APBA1: variants seen among roughly 807,000 people sequenced by gnomAD.
APBA1 encodes the protein amyloid beta precursor protein binding family A member 1, also known as amyloid-beta A4 precursor protein-binding family A member 1.
In APBA1, 55 loss-of-function variants were observed where a neutral mutation model predicts 86.6. The ratio of observed to expected loss-of-function variants is 0.64; its 90% CI spans 0.51 to 0.80. APBA1 has a LOEUF of 0.80. APBA1 is among the 30% of genes least tolerant of loss of function. The pLI is 0.00. For synonymous variants in APBA1, 511 were observed against 493.9 expected, an observed-to-expected ratio of 1.03 and a Z score of -0.46; for missense variants, 1,090 against 1,183.0, an observed-to-expected ratio of 0.92 and a Z score of 1.15.
intron 1 of APBA1, among the ~76,000 whole-genome samples, chr9:69,522,754 C>T (rs971770985): frequency 1.3e-5 from 2 of 152,154 alleles, no homozygotes; most frequent in African/African-American, 2.4e-5. Flanking sequence ...TAGTGAGCAT[C>T]CTAAGCAAGC....
intron 10 of APBA1, among the ~76,000 whole-genome samples, chr9:69,446,670 A>G (rs1455245011): frequency 6.6e-6 from 1 of 152,154 alleles, no homozygotes; most frequent in Non-Finnish European, 1.5e-5. Context: ...CACGCAGATA[A>G]GGAAGGAGCG....
chr9:69,591,020 G>A (rs1316148686), intron 1 of APBA1, among the ~76,000 whole-genome samples: 2 of 152,146 alleles, frequency 1.3e-5, no homozygotes, highest in African/African-American at 4.8e-5. Context: ...ACTCCAAGAG[G>A]TCCCCCGTAC....
intron 12 of APBA1, among the ~76,000 whole-genome samples, 177 bp downstream of exon 12, chr9:69,432,359 A>T (rs1420438083): frequency 6.6e-6 from 1 of 152,136 alleles, no homozygotes; most frequent in African/African-American, 2.4e-5. Flanking sequence ...CTCCCAGATA[A>T]CTGCTTGCTA....
chr9:69,652,867 C>T (rs1040400134), intron 1 of APBA1, among the ~76,000 whole-genome samples: 11 of 151,832 alleles, frequency 7.2e-5, no homozygotes, highest in African/African-American at 1.2e-4. Flanking sequence ...TGGTGGTATG[C>T]GCGCCTGTAG....
chr9:69,576,600 G>A (rs1258783250), intron 1 of APBA1, among the ~76,000 whole-genome samples: 11 of 151,966 alleles, frequency 7.2e-5, no homozygotes, highest in Admixed American at 3.9e-4. Flanking sequence ...GCAAACTATC[G>A]CAAGGACAAA....
chr9:69,599,314 A>T (rs1822301378), intron 1 of APBA1, among the ~76,000 whole-genome samples: 1 of 152,210 alleles, frequency 6.6e-6, no homozygotes, highest in African/African-American at 2.4e-5. Flanking sequence ...TGTTTTAGTC[A>T]TTGCCTTTAA....
chr9:69,504,069 C>T (rs1294818836), intron 2 of APBA1, among the ~76,000 whole-genome samples: 1 of 152,072 alleles, frequency 6.6e-6, no homozygotes, highest in East Asian at 1.9e-4. Flanking sequence ...GGCTGTAAGT[C>T]TCCCAGTTTC....
chr9:69,504,861 A>C (rs1184673245), intron 2 of APBA1, among the ~76,000 whole-genome samples: 3 of 151,930 alleles, frequency 2.0e-5, no homozygotes, highest in Non-Finnish European at 2.9e-5. Context: ...GGGGAGGAGG[A>C]GTCGCCTAGC....
chr9:69,634,107 C>T (rs1019576540), intron 1 of APBA1, among the ~76,000 whole-genome samples: 2 of 152,190 alleles, frequency 1.3e-5, no homozygotes, highest in African/African-American at 4.8e-5. Context: ...CTGGTTATAA[C>T]TTCATATCAG....
chr9:69,579,232 A>C (rs1821866080), intron 1 of APBA1, among the ~76,000 whole-genome samples: 1 of 152,086 alleles, frequency 6.6e-6, no homozygotes, highest in Admixed American at 6.6e-5. Context: ...CTGTGGTCAC[A>C]ATGTGCACAG....
chr9:69,520,048 C>T (rs1174978823), intron 1 of APBA1, among the ~76,000 whole-genome samples: 1 of 152,164 alleles, frequency 6.6e-6, no homozygotes, highest in Non-Finnish European at 1.5e-5. Flanking sequence ...AGTATTTACA[C>T]ATACAGTGTT....
chr9:69,431,942 A>G (rs58322512), intron 12 of APBA1, among the ~76,000 whole-genome samples: 1 of 143,458 alleles, frequency 7.0e-6, no homozygotes, highest in Admixed American at 6.7e-5. Context: ...GACAGCAGTG[A>G]TAAATGAATG....
chr9:69,578,800 T>C (rs528671242), intron 1 of APBA1, among the ~76,000 whole-genome samples: 2 of 152,306 alleles, frequency 1.3e-5, no homozygotes, highest in East Asian at 3.9e-4. Flanking sequence ...CAATAGTATG[T>C]CTGCATTTTA....
intron 5 of APBA1, among the ~76,000 whole-genome samples, chr9:69,459,691 C>T (rs1201593435): frequency 6.6e-6 from 1 of 152,226 alleles, no homozygotes; most frequent in East Asian, 1.9e-4. Context: ...CAAGTCCTGG[C>T]TCTGCCACTT....
At chr9:69,483,493 G>A (rs576878595) in intron 2 of APBA1, among the ~76,000 whole-genome samples, 5 of 151,996 alleles carry the variant, frequency 3.3e-5, no homozygotes, top group Non-Finnish European at 7.4e-5. Flanking sequence ...GGGGCACGCT[G>A]ATAGACAAGG....
chr9:69,437,540 T>C (rs1204805490), intron 11 of APBA1, among the ~76,000 whole-genome samples: 4 of 88,480 alleles, frequency 4.5e-5, no homozygotes, highest in African/African-American at 1.9e-4. Context: ...ATCCATTTCT[T>C]CTAGATTTTC....
chr9:69,593,692 G>T (rs1019228447), intron 1 of APBA1, among the ~76,000 whole-genome samples: 1 of 152,214 alleles, frequency 6.6e-6, no homozygotes, highest in Non-Finnish European at 1.5e-5. Context: ...CTGAAAGGAA[G>T]TTTCAAATGA....
At chr9:69,477,268 C>T (rs978267683) in intron 2 of APBA1, among the ~76,000 whole-genome samples, 12 of 151,342 alleles carry the variant, frequency 7.9e-5, no homozygotes, top group African/African-American at 2.7e-4. Context: ...GTGCGCGCAC[C>T]GTGCGCCAGC....
intron 1 of APBA1, among the ~76,000 whole-genome samples, chr9:69,547,059 T>C (rs1423437384): frequency 1.3e-5 from 2 of 152,242 alleles, no homozygotes; most frequent in African/African-American, 2.4e-5. Context: ...AAGACACTTA[T>C]GAATCTTGTA....
Sources: allele counts gnomAD v4.1 joint callset (sites outside exome capture counted in the v4.1 genomes callset), GRCh38; gene constraint gnomAD v4.1.1; transcripts MANE v1.5; gene names NCBI Gene and HGNC (gene_info 2026-07-23, HGNC 2026-07-21).